The following PDCD11 variants were observed in gnomAD, a reference collection of about 807,000 sequenced individuals.
PDCD11 encodes protein RRP5 homolog.
Under a neutral mutation model 198.9 loss-of-function variants are expected in PDCD11, and 97 were observed. That is an observed-to-expected ratio of 0.49 (90% CI 0.41 to 0.58). PDCD11 has a LOEUF of 0.58. Ranked by LOEUF, PDCD11 falls within the 20% of genes least tolerant of loss-of-function variation. The probability of loss-of-function intolerance (pLI) is 0.00; values close to 1 mark genes in which losing one functional copy is unlikely to be tolerated. For synonymous variants in PDCD11, 893 were observed against 918.0 expected (o/e 0.97, Z 0.49); for missense variants, 2,102 against 2,312.7 (o/e 0.91, Z 1.87).
chr10:103,443,398 C>T, intron 33 of PDCD11, 65 bp downstream of exon 33: 1 of 1,435,766 alleles, frequency 7.0e-7, no homozygotes, highest in African/African-American at 1.4e-5. Flanking sequence ...AGAAGAGCCC[C>T]TGGGGTGCTG....
rs772245877 is a variant in PDCD11, at chr10:103,417,828, A to G, written c.1807A>G (p.Lys603Glu). 6.2e-7 allele frequency: 1 copy of G among 1,614,196 alleles called. No homozygotes were observed. The highest frequency in any genetic ancestry group is 8.5e-7 in the Non-Finnish European group (1 of 1,180,028). Residue 603 changes from lysine (K) to glutamate (E), a missense_variant, in exon 14 of 36, where the codon AAA becomes GAA. Coordinates refer to ENST00000369797, the MANE Select transcript of PDCD11 (RefSeq NM_014976.2). Reference sequence around the variant, plus strand: ...TGTCGTATTGAACTGTGAGCCATCCAAAGAGAGGATGCTCTTATCCTTCAA... The same window carrying G: ...TGTCGTATTGAACTGTGAGCCATCCGAAGAGAGGATGCTCTTATCCTTCAA... ...KVVVLNCEPS[K>E]ERMLLSFKLS...
chr10:103,413,146 C>G lies in PDCD11; in HGVS notation c.1009C>G (p.Arg337Gly). 2 of 1,614,150 alleles carry G rather than the reference C, an allele frequency of 1.2e-6. No homozygotes were observed. The highest frequency in any genetic ancestry group is 1.3e-5 in the African/African-American group (1 of 75,030). Reference sequence around the variant, plus strand: ...GGCCTGCATCCTTTGCGTCCATCCTCGAACCAGAGTTGTGCACCTGAGCCT... The same window carrying G: ...GGCCTGCATCCTTTGCGTCCATCCTGGAACCAGAGTTGTGCACCTGAGCCT... ...VRACILCVHP[R>G]TRVVHLSLRP... The change falls in exon 9 of 36, where the codon CGA becomes GGA. Residue 337 changes from arginine (R) to glycine (G), a missense_variant. Coordinates refer to ENST00000369797, the MANE Select transcript of PDCD11 (RefSeq NM_014976.2).
At position 103,419,709 on chromosome 10, in the gene PDCD11, G is replaced by C; in HGVS notation, c.2277+1G>C. The stretch of plus-strand genomic sequence containing the variant: ...TCTTAGCGGACTGGCCCCAAAAGCT[G>C]TAAGTTCAACTCCATGTACAAGGGC... On this transcript the variant is annotated splice_donor_variant, in intron 16 of 35. Coordinates refer to ENST00000369797, the MANE Select transcript of PDCD11 (RefSeq NM_014976.2). LOFTEE classifies it high-confidence loss of function. 6.2e-7 allele frequency: 1 copy of C among 1,613,692 alleles called. No individual in the cohort carries two copies. The highest frequency in any genetic ancestry group is 8.5e-7 in the Non-Finnish European group (1 of 1,179,768).
chr10:103,444,834 CCT>C, intron 35 of PDCD11, 152 bp downstream of exon 35: 1 of 701,330 alleles, frequency 1.4e-6, no homozygotes, highest in Non-Finnish European at 2.4e-6. Context: ...CACTTCAACT[CCT>C]CTTTCTGCCT....
Position 103,405,113 on chromosome 10 carries a change from G to A in PDCD11, c.494G>A (p.Ser165Asn). Residue 165 changes from serine (S) to asparagine (N), a missense_variant, in exon 5 of 36, where the codon AGT becomes AAT. Coordinates refer to ENST00000369797, the MANE Select transcript of PDCD11 (RefSeq NM_014976.2). ...GGCATCACAGACAGGGGCAAGAAGA[G>A]TGTCAAGCTGTCTCTGAACCCCAAA... ...SLGITDRGKKSVKLSLNPKNV... is the reference protein window; with the variant it reads ...SLGITDRGKKNVKLSLNPKNV... 6.2e-7 allele frequency: 1 copy of A among 1,614,210 alleles called. No homozygotes were observed. Among genetic ancestry groups the A allele is most frequent in the Non-Finnish European group, 8.5e-7 (1 of 1,180,018 alleles).
chr10:103,414,891 C>T, intron 11 of PDCD11, 114 bp from the exon 12 acceptor site: 2 of 1,037,716 alleles, frequency 1.9e-6, no homozygotes, highest in South Asian at 1.4e-5. Flanking sequence ...GAATAACAGG[C>T]ACAGTTAGCC....
At position 103,410,930 on chromosome 10, in the gene PDCD11, C is replaced by T. The variant is rs567175411; in HGVS notation, c.978+1124C>T. 9.9e-5 allele frequency among the ~76,000 whole-genome samples: 15 copies of T among 152,110 alleles called. No individual in the cohort carries two copies. In the South Asian group the frequency reaches 2.9e-3, roughly 30 times the overall value. ...CTCTACTAAAAATAAAAAAAATTAG[C>T]CAGACCTGGTGGTGCGTGCCTGTAG... On this transcript the variant is annotated intron_variant, in intron 8 of 35. Transcript: ENST00000369797.
chr10:103,442,482 GCA>G (rs763503660), intron 32 of PDCD11, 22 bp downstream of exon 32: 9 of 1,607,174 alleles, frequency 5.6e-6, no homozygotes, highest in Non-Finnish European at 7.7e-6. Context: ...GCCCCAGGGA[GCA>G]CAGTGTCTTC....
intron 24 of PDCD11, 107 bp from the exon 25 acceptor site, chr10:103,434,691 C>T (rs1255565136): frequency 1.3e-5 from 12 of 889,830 alleles, no homozygotes; most frequent in Non-Finnish European, 2.0e-5. Context: ...GCCCAGATAC[C>T]CCAAGTCTGG....
chr10:103,396,836 C>T (rs973861563), intron 1 of PDCD11, 106 bp downstream of exon 1: 1 of 152,370 alleles, frequency 6.6e-6, no homozygotes, highest in Non-Finnish European at 1.5e-5. Flanking sequence ...GTTCGGCCAC[C>T]TTAGCCCCGC....
chr10:103,435,344 G>C (rs1448982328), intron 25 of PDCD11, among the ~76,000 whole-genome samples: 2 of 151,304 alleles, frequency 1.3e-5, no homozygotes, highest in Non-Finnish European at 2.9e-5. Flanking sequence ...TTTTTTAATT[G>C]AAATTTGTGT....
chr10:103,445,641 C>T lies in PDCD11; in HGVS notation c.*92C>T. On this transcript the variant is annotated 3_prime_UTR_variant, in exon 36 of 36. Coordinates refer to ENST00000369797, the MANE Select transcript of PDCD11 (RefSeq NM_014976.2). ...CACTCGGAAAACTGTTACCTCAGGA[C>T]TCTATTTAAATGCTGCTTTTTCTGC... 9.5e-7 allele frequency: 1 copy of T among 1,052,352 alleles called. No homozygotes were observed. The highest frequency in any genetic ancestry group is 1.4e-6 in the Non-Finnish European group (1 of 719,822). The allele number at this position is 1,052,352 out of a possible 1,614,324, so 65.2% of individuals were successfully genotyped here. A position where few individuals can be genotyped will look rare whatever the true frequency, so the allele number is the denominator to read the frequency against.
chr10:103,416,966 G>T (rs2031147085), intron 13 of PDCD11, among the ~76,000 whole-genome samples: 1 of 152,200 alleles, frequency 6.6e-6, no homozygotes, highest in South Asian at 2.1e-4. Context: ...GGCACGCATG[G>T]AAGAGGTCAG....
intron 9 of PDCD11, 81 bp from the exon 10 acceptor site, chr10:103,413,885 A>C: frequency 7.4e-7 from 1 of 1,342,888 alleles, no homozygotes; most frequent in African/African-American, 1.5e-5. Context: ...ATAAGTGTTG[A>C]GTCCTCTCTA....
Position 103,414,377 on chromosome 10 carries a change from T to C in PDCD11, c.1371+47T>C. On this transcript the variant is annotated intron_variant, in intron 11 of 35. Coordinates refer to ENST00000369797, the MANE Select transcript of PDCD11 (RefSeq NM_014976.2). ...TAGGTACTGCCTCACCATCAGGCGT[T>C]CTTTAGTTCACGCACAGGTGACTGT... 2 of 1,407,810 alleles carry C rather than the reference T, an allele frequency of 1.4e-6. 1 individual carries two copies. The allele number at this position is 1,407,810 out of a possible 1,614,324, so 87.2% of individuals were successfully genotyped here. A position where few individuals can be genotyped will look rare whatever the true frequency, so the allele number is the denominator to read the frequency against.
intron 8 of PDCD11, 130 bp downstream of exon 8, chr10:103,409,936 A>AG: frequency 1.5e-6 from 1 of 683,038 alleles, no homozygotes; most frequent in Non-Finnish European, 2.6e-6. Flanking sequence ...TGAGAGGAAT[A>AG]ATGAAAAGTG....
At chr10:103,433,919 C>T (rs2032039464) in intron 22 of PDCD11, 29 bp from the exon 23 acceptor site, 1 of 1,532,410 alleles carries the variant, frequency 6.5e-7, no homozygotes, top group Non-Finnish European at 9.0e-7. Flanking sequence ...TTTGTATTTG[C>T]CCTACTCTGG....
At chr10:103,438,952 T>G in intron 27 of PDCD11, 144 bp downstream of exon 27, 1 of 797,484 alleles carries the variant, frequency 1.3e-6, no homozygotes, top group Non-Finnish European at 2.0e-6. Context: ...TTTTTAAAAT[T>G]CCAAGTTTTC....
Position 103,444,509 on chromosome 10 carries a change from C to G in PDCD11, c.5279-8C>G, listed in dbSNP as rs200112442. 8 of 1,613,824 alleles carry G rather than the reference C, an allele frequency of 5.0e-6. No homozygotes were observed. The highest frequency in any genetic ancestry group is 3.3e-4 in the Middle Eastern group (2 of 6,008). Reference sequence around the variant, plus strand: ...TTGTTGGGTCTCTGAGCAGTCCTCTCCCTGCAGATGTGGATGTCATTGCCA... The same window carrying G: ...TTGTTGGGTCTCTGAGCAGTCCTCTGCCTGCAGATGTGGATGTCATTGCCA... On this transcript the variant is annotated splice_polypyrimidine_tract_variant and splice_region_variant and intron_variant, in intron 34 of 35. Transcript: ENST00000369797.
Sources: gnomAD v4.1 joint callset for allele counts (sites outside exome capture counted in the v4.1 genomes callset) on GRCh38, gnomAD v4.1.1 for gene constraint, MANE v1.5 for transcripts, NCBI Gene and HGNC (gene_info 2026-07-23, HGNC 2026-07-21) for gene names.